PHACTR1: variants seen among roughly 807,000 people sequenced by gnomAD.
PHACTR1 encodes RPEL repeat containing 1.
PHACTR1 carries 16 observed loss-of-function variants against 69.2 expected under a neutral mutation model. The observed-to-expected ratio is 0.23, with a 90% confidence interval of 0.16 to 0.35. The LOEUF (loss-of-function observed/expected upper bound fraction) is 0.35. PHACTR1 is among the 10% of genes least tolerant of loss of function. The pLI, the probability that PHACTR1 is intolerant of heterozygous loss-of-function variation, is 1.00. For synonymous variants in PHACTR1, 312 were observed against 284.5 expected (o/e 1.10, Z -0.97); for missense variants, 510 against 734.7 (o/e 0.69, Z 3.54).
intron 5 of PHACTR1, among the ~76,000 whole-genome samples, chr6:13,056,822 A>G (rs1806857756): frequency 1.3e-5 from 2 of 152,326 alleles, no homozygotes; most frequent in South Asian, 2.1e-4. Flanking sequence ...GGGTGATCAG[A>G]TATCACCTGA....
chr6:12,898,731 C>T (rs754783528), intron 4 of PHACTR1, among the ~76,000 whole-genome samples: 13 of 152,168 alleles, frequency 8.5e-5, no homozygotes, highest in African/African-American at 1.7e-4. Context: ...CTCTGTCGGC[C>T]GCAATCTGTC....
chr6:12,825,267 T>G (rs1350181580), intron 4 of PHACTR1, among the ~76,000 whole-genome samples: 1 of 151,394 alleles, frequency 6.6e-6, no homozygotes, highest in Non-Finnish European at 1.5e-5. Flanking sequence ...GGGCTATGAG[T>G]GTGCCTCTGC....
At chr6:13,276,452 G>T (rs1778926084) in intron 11 of PHACTR1, among the ~76,000 whole-genome samples, 1 of 151,982 alleles carries the variant, frequency 6.6e-6, no homozygotes, top group Non-Finnish European at 1.5e-5. Flanking sequence ...CCCCTTTCTA[G>T]GCACAGGGGG....
At chr6:12,805,711 C>T (rs1003080786) in intron 4 of PHACTR1, among the ~76,000 whole-genome samples, 17 of 152,004 alleles carry the variant, frequency 1.1e-4, no homozygotes, top group African/African-American at 4.1e-4. Flanking sequence ...AGCAATTCTC[C>T]TGCCTCCGTT....
chr6:13,042,873 C>T (rs770287262), intron 4 of PHACTR1, among the ~76,000 whole-genome samples: 2 of 152,134 alleles, frequency 1.3e-5, no homozygotes, highest in African/African-American at 2.4e-5. Context: ...GAGAGGAAGC[C>T]GATGGGACTT....
rs546017 is a variant in PHACTR1, at chr6:13,283,227, C to G, written c.1510-195C>G. 0.13 allele frequency: 75,309 copies of G among 571,716 alleles called. 11,859 individuals carry two copies. Among genetic ancestry groups the G allele is most frequent in the African/African-American group, 0.55 (27,440 of 49,670 alleles). The allele number at this position is 571,716 out of a possible 1,614,324, so 35.4% of individuals were successfully genotyped here. On this transcript the variant is annotated intron_variant, in intron 12 of 14. Coordinates refer to ENST00000332995, the MANE Select transcript of PHACTR1 (RefSeq NM_030948.6). The surrounding 1 kb of genome is among the most constrained non-coding windows in gnomAD (Gnocchi z 4.7). ...AAAGCTCTCTCTTAGGACCTAGAAACGTCCCACTCCCAAGAGTCAGGAGAC... is the reference window on the plus strand; with the variant it reads ...AAAGCTCTCTCTTAGGACCTAGAAAGGTCCCACTCCCAAGAGTCAGGAGAC...
chr6:13,051,148 A>G (rs182230832), intron 4 of PHACTR1, among the ~76,000 whole-genome samples: 117 of 151,834 alleles, frequency 7.7e-4, no homozygotes, highest in Non-Finnish European at 1.3e-3. Flanking sequence ...CTCTTGATCT[A>G]TTTTACCAGG....
intron 4 of PHACTR1, among the ~76,000 whole-genome samples, chr6:12,817,879 A>G (rs887440444): frequency 6.7e-6 from 1 of 148,900 alleles, no homozygotes; most frequent in Admixed American, 6.7e-5. Context: ...CCTGGAGTGC[A>G]GTGGCACGAT....
At chr6:13,077,605 G>A (rs1810725432) in intron 5 of PHACTR1, among the ~76,000 whole-genome samples, 1 of 152,180 alleles carries the variant, frequency 6.6e-6, no homozygotes. Flanking sequence ...TACAGAGTTG[G>A]GCTTTCATTC....
rs570689222 is a variant in PHACTR1, at chr6:12,940,887, C to G, written c.251-112478C>G. On this transcript the variant is annotated intron_variant, in intron 4 of 14. Transcript: ENST00000332995. ...GGATGCTAAGACAGAAAAATCGGGA[C>G]AGACAGAAATGATTCTTACTACTGT... 2.0e-5 allele frequency among the ~76,000 whole-genome samples: 3 copies of G among 152,272 alleles called. No homozygotes were observed. The East Asian group carries it at 5.8e-4, about 29-fold the overall frequency.
intron 4 of PHACTR1, among the ~76,000 whole-genome samples, chr6:12,787,461 G>A (rs1171004375): frequency 6.6e-6 from 1 of 152,166 alleles, no homozygotes; most frequent in African/African-American, 2.4e-5. Flanking sequence ...TTATATCTTC[G>A]AGGCCAAGAT....
chr6:12,970,326 A>T (rs901239802), intron 4 of PHACTR1, among the ~76,000 whole-genome samples: 1 of 152,272 alleles, frequency 6.6e-6, no homozygotes, highest in Non-Finnish European at 1.5e-5. Flanking sequence ...AACTATGGCA[A>T]CATAGAAAAG....
At chr6:12,887,729 T>C (rs1278949185) in intron 4 of PHACTR1, among the ~76,000 whole-genome samples, 2 of 152,150 alleles carry the variant, frequency 1.3e-5, no homozygotes, top group East Asian at 1.9e-4. Flanking sequence ...CATATTGTTA[T>C]GGTCTGAATG....
At chr6:13,083,580 T>C (rs1811769870) in intron 5 of PHACTR1, among the ~76,000 whole-genome samples, 1 of 152,112 alleles carries the variant, frequency 6.6e-6, no homozygotes, top group African/African-American at 2.4e-5. Flanking sequence ...CCCATGAGCA[T>C]GGAATGTTCT....
At chr6:12,936,396 T>C (rs1401728772) in intron 4 of PHACTR1, among the ~76,000 whole-genome samples, 1 of 152,170 alleles carries the variant, frequency 6.6e-6, no homozygotes, top group Non-Finnish European at 1.5e-5. Flanking sequence ...AATAAAGAAA[T>C]CAAATGAGAT....
chr6:13,248,954 T>C (rs1208790654), intron 10 of PHACTR1, among the ~76,000 whole-genome samples: 6 of 152,200 alleles, frequency 3.9e-5, no homozygotes, highest in Admixed American at 3.3e-4. Context: ...AGATATTTTA[T>C]TGAGAGTGAT....
chr6:12,999,643 G>A (rs1025268201), intron 4 of PHACTR1, among the ~76,000 whole-genome samples: 2 of 152,118 alleles, frequency 1.3e-5, no homozygotes, highest in Non-Finnish European at 2.9e-5. Flanking sequence ...AATATAGAAT[G>A]TTACAAATGA....
chr6:13,131,208 TACACACACAC>T (rs56329629), intron 5 of PHACTR1, among the ~76,000 whole-genome samples: 15 of 146,468 alleles, frequency 1.0e-4, no homozygotes, highest in African/African-American at 2.6e-4. Flanking sequence ...TATATACACA[TACACACACAC>T]ACACACACAC....
intron 4 of PHACTR1, among the ~76,000 whole-genome samples, chr6:12,809,873 C>G (rs925857891): frequency 6.6e-6 from 1 of 152,196 alleles, no homozygotes; most frequent in Non-Finnish European, 1.5e-5. Context: ...TTCTGTTATT[C>G]TAACTAATGG....
Sources: gnomAD v4.1 joint callset for allele counts (sites outside exome capture counted in the v4.1 genomes callset) on GRCh38, gnomAD v4.1.1 for gene constraint, Gnocchi (gnomAD v3.1) non-coding constraint, MANE v1.5 for transcripts, NCBI Gene and HGNC (gene_info 2026-07-23, HGNC 2026-07-21) for gene names.